Variants in ANKS1B observed in about 807,000 individuals in gnomAD.
ANKS1B encodes ankyrin repeat and sterile alpha motif domain-containing protein 1B.
Under a neutral mutation model 148.3 loss-of-function variants are expected in ANKS1B, and 36 were observed. The observed-to-expected ratio is 0.24, with a 90% confidence interval of 0.19 to 0.32. The LOEUF (loss-of-function observed/expected upper bound fraction) is 0.32, where lower values mean the gene tolerates loss of function less well. Among genes scored for constraint, ANKS1B ranks in the 10% least tolerant of loss-of-function variants. The pLI is 1.00. For synonymous variants in ANKS1B, 542 were observed against 560.8 expected, an observed-to-expected ratio of 0.97 and a Z score of 0.47; for missense variants, 1,157 against 1,542.6, an observed-to-expected ratio of 0.75 and a Z score of 4.19.
At chr12:99,059,173 G>C (rs1164114945) in intron 16 of ANKS1B, among the ~76,000 whole-genome samples, 1 of 152,134 alleles carries the variant, frequency 6.6e-6, no homozygotes, top group Non-Finnish European at 1.5e-5. Context: ...TTCTATTATA[G>C]TATTATTAAA....
intron 12 of ANKS1B, among the ~76,000 whole-genome samples, chr12:99,266,247 A>G (rs556476132): frequency 2.6e-5 from 4 of 152,280 alleles, no homozygotes; most frequent in Admixed American, 6.5e-5. Context: ...CCAGACAAGG[A>G]GACTGAGGCT....
chr12:99,778,858 TC>T (rs1394059469), intron 6 of ANKS1B, among the ~76,000 whole-genome samples: 2 of 152,298 alleles, frequency 1.3e-5, no homozygotes, highest in African/African-American at 4.8e-5. Flanking sequence ...ATCTACATGT[TC>T]CCTGCCTGAC....
At chr12:99,310,763 C>G (rs930631251) in intron 12 of ANKS1B, among the ~76,000 whole-genome samples, 15 of 152,116 alleles carry the variant, frequency 9.9e-5, no homozygotes, top group Non-Finnish European at 1.6e-4. Flanking sequence ...GAGCCAATTC[C>G]TTACAATAAA....
At chr12:99,363,191 A>C (rs900014012) in intron 12 of ANKS1B, among the ~76,000 whole-genome samples, 1 of 152,110 alleles carries the variant, frequency 6.6e-6, no homozygotes, top group Non-Finnish European at 1.5e-5. Flanking sequence ...CACAAATTCC[A>C]CTTTTAGTAA....
intron 1 of ANKS1B, among the ~76,000 whole-genome samples, chr12:99,852,088 T>C (rs2153707668): frequency 6.6e-6 from 1 of 152,206 alleles, no homozygotes; most frequent in East Asian, 1.9e-4. Context: ...ATCAAGCAAA[T>C]AATGGTAGAA....
At chr12:99,605,257 T>C (rs1390240637) in intron 9 of ANKS1B, among the ~76,000 whole-genome samples, 1 of 152,154 alleles carries the variant, frequency 6.6e-6, no homozygotes, top group African/African-American at 2.4e-5. Context: ...ATTGCATATA[T>C]ACAATGCAAC....
intron 9 of ANKS1B, among the ~76,000 whole-genome samples, chr12:99,654,488 G>A (rs75371023): frequency 0.015 from 2,251 of 152,226 alleles, 56 homozygotes; most frequent in African/African-American, 0.052. Context: ...ACTCCTCTAA[G>A]AGTGTATGGT....
chr12:99,456,963 C>T (rs559375913), intron 10 of ANKS1B, among the ~76,000 whole-genome samples: 25 of 152,138 alleles, frequency 1.6e-4, no homozygotes, highest in African/African-American at 5.5e-4. Context: ...GCCTAGGCAC[C>T]TGATAGTCAT....
intron 4 of ANKS1B, among the ~76,000 whole-genome samples, chr12:99,806,122 G>C (rs1249752309): frequency 6.6e-6 from 1 of 152,162 alleles, no homozygotes; most frequent in Non-Finnish European, 1.5e-5. Context: ...CTGTGTGCTA[G>C]ATATTGGGAC....
At position 98,829,702 on chromosome 12, in the gene ANKS1B, T is replaced by TCAC. The variant is rs2099278927; in HGVS notation, c.2887-352_2887-350dup. On this transcript the variant is annotated intron_variant, in intron 18 of 26. Coordinates refer to ENST00000683438, the MANE Select transcript of ANKS1B (RefSeq NM_001352186.2). This position sits in a 1 kb window ranked among gnomAD's most constrained non-coding sequence, Gnocchi z 5.2. ...GGGCCCTCATGTGGGCAGAGCGTCCTCACCATGGTAGATGCCATGATGAGA... is the reference window on the plus strand; with the variant it reads ...GGGCCCTCATGTGGGCAGAGCGTCCTCACCACCATGGTAGATGCCATGATGAGA... 1.3e-5 allele frequency among the ~76,000 whole-genome samples: 2 copies of TCAC among 152,186 alleles called. No homozygotes were observed. Among genetic ancestry groups the TCAC allele is most frequent in the Non-Finnish European group, 2.9e-5 (2 of 68,042 alleles).
At chr12:99,701,113 T>C (rs568561211) in intron 8 of ANKS1B, among the ~76,000 whole-genome samples, 17 of 152,316 alleles carry the variant, frequency 1.1e-4, no homozygotes, top group African/African-American at 3.8e-4. Context: ...ACCTGGTATA[T>C]AGAAATTCTA....
chr12:99,473,098 C>G (rs2096266665), intron 10 of ANKS1B, among the ~76,000 whole-genome samples: 1 of 151,952 alleles, frequency 6.6e-6, no homozygotes, highest in Non-Finnish European at 1.5e-5. Context: ...GAGTTAATCA[C>G]CATCCTGAAG....
chr12:99,369,849 C>CAGATAGAT (rs35658536), intron 12 of ANKS1B, among the ~76,000 whole-genome samples: 2,107 of 145,580 alleles, frequency 0.014, 19 homozygotes, highest in Middle Eastern at 0.029. Context: ...CAGACAGAGA[C>CAGATAGAT]AGATAGATAG....
At chr12:98,848,769 C>A (rs2099501575) in intron 17 of ANKS1B, among the ~76,000 whole-genome samples, 1 of 8,070 alleles carries the variant, frequency 1.2e-4, no homozygotes, top group Non-Finnish European at 1.9e-4. Flanking sequence ...GACGGAGTCT[C>A]GCTCTGTTGC....
At chr12:99,816,305 T>C (rs2069134483) in intron 2 of ANKS1B, among the ~76,000 whole-genome samples, 1 of 151,962 alleles carries the variant, frequency 6.6e-6, no homozygotes, top group Non-Finnish European at 1.5e-5. Flanking sequence ...GAAATGTCTA[T>C]TCATCCCCTT....
chr12:98,745,487 G>GA lies in ANKS1B; in HGVS notation c.*251dup. ...ATACCTTGGGAGGTGGTGGGGAGGG[G>GA]AGTCGGGAGCATCAGGGAAAACCCA... On this transcript the variant is annotated 3_prime_UTR_variant, in exon 27 of 27. Coordinates refer to ENST00000683438, the MANE Select transcript of ANKS1B (RefSeq NM_001352186.2). 3 of 1,172,316 alleles carry GA rather than the reference G, an allele frequency of 2.6e-6. No homozygotes were observed. In the South Asian group the frequency reaches 7.9e-5, roughly 31 times the overall value. 72.6% of individuals were successfully genotyped at this position (1,172,316 alleles called of 1,614,324 possible). A position where few individuals can be genotyped will look rare whatever the true frequency, so the allele number is the denominator to read the frequency against.
intron 8 of ANKS1B, among the ~76,000 whole-genome samples, chr12:99,670,410 A>G (rs1484054609): frequency 6.6e-6 from 1 of 152,142 alleles, no homozygotes; most frequent in Non-Finnish European, 1.5e-5. Context: ...ACCTTTTACA[A>G]CCAACCTGAA....
chr12:99,835,732 A>C (rs1195076385), intron 1 of ANKS1B, among the ~76,000 whole-genome samples: 2 of 152,154 alleles, frequency 1.3e-5, no homozygotes, highest in Admixed American at 6.5e-5. Flanking sequence ...AGCACAGGGC[A>C]TTTCTATATA....
chr12:98,778,099 A>T (rs1385291720), intron 24 of ANKS1B, among the ~76,000 whole-genome samples: 1 of 152,232 alleles, frequency 6.6e-6, no homozygotes, highest in Non-Finnish European at 1.5e-5. Context: ...CAGATTAAAC[A>T]ATCACCTCTC....
Sources: gnomAD v4.1 joint callset for allele counts (sites outside exome capture counted in the v4.1 genomes callset) on GRCh38, gnomAD v4.1.1 for gene constraint, Gnocchi (gnomAD v3.1) non-coding constraint, MANE v1.5 for transcripts, NCBI Gene and HGNC (gene_info 2026-07-23, HGNC 2026-07-21) for gene names.